Variants in RYR2 observed in about 807,000 individuals in gnomAD.
RYR2 encodes the protein cardiac muscle ryanodine receptor-calcium release channel.
A neutral mutation model predicts 601.1 loss-of-function variants in RYR2; 227 were observed. The ratio of observed to expected loss-of-function variants is 0.38; its 90% CI spans 0.34 to 0.42. The LOEUF is 0.42. RYR2 is among the 10% of genes least tolerant of loss of function. The probability of loss-of-function intolerance (pLI) is 1.00; values close to 1 mark genes in which losing one functional copy is unlikely to be tolerated. For missense variants in RYR2, 4,646 were observed against 6,156.5 expected (o/e 0.75, Z 8.21); for synonymous variants, 2,223 against 2,175.1 (o/e 1.02, Z -0.61).
intron 1 of RYR2, among the ~76,000 whole-genome samples, chr1:237,216,907 A>G (rs932822709): frequency 5.9e-5 from 9 of 152,226 alleles, no homozygotes; most frequent in African/African-American, 2.2e-4. Context: ...TGCTTTGTGC[A>G]TAGTGGCTAT....
chr1:237,217,615 G>C (rs1425618497), intron 1 of RYR2, among the ~76,000 whole-genome samples: 3 of 152,272 alleles, frequency 2.0e-5, no homozygotes, highest in East Asian at 3.9e-4. Flanking sequence ...CTGGTACATG[G>C]TAAGAACTCA....
chr1:237,459,428 T>A (rs1351201), intron 16 of RYR2, among the ~76,000 whole-genome samples: 73,588 of 151,936 alleles, frequency 0.48, 18,922 homozygotes, highest in East Asian at 0.65. Context: ...AAAGAAGAAT[T>A]TCATGTATGA....
chr1:237,445,350 G>T (rs1404577054), intron 13 of RYR2, 51 bp from the exon 14 acceptor site: 1 of 1,607,918 alleles, frequency 6.2e-7, no homozygotes, highest in Non-Finnish European at 8.5e-7. Flanking sequence ...CCTAACTCTA[G>T]TTTGGAAAAG....
At chr1:237,700,870 G>T (rs775210337) in intron 65 of RYR2, among the ~76,000 whole-genome samples, 1 of 152,202 alleles carries the variant, frequency 6.6e-6, no homozygotes. Flanking sequence ...ATGTAATAAT[G>T]TGAAGACGAC....
At chr1:237,390,647 G>C (rs887212604) in intron 10 of RYR2, among the ~76,000 whole-genome samples, 5 of 152,172 alleles carry the variant, frequency 3.3e-5, no homozygotes, top group African/African-American at 1.2e-4. Flanking sequence ...AGAGAGGCCA[G>C]ACTGGATCCA....
rs991593805 is a variant in RYR2, at chr1:237,106,497, G to A, written c.48+63928G>A. Among the ~76,000 whole-genome samples, 4 of 152,206 alleles carry A rather than the reference G, an allele frequency of 2.6e-5. No individual in the cohort carries two copies. The highest frequency in any genetic ancestry group is 9.7e-5 in the African/African-American group (4 of 41,448). ...GATGTTTCACCAGCTAAGATGGAGC[G>A]GTCCTGGAAAGAGTGAAGATCAAGA... is the stretch of plus-strand genomic sequence containing the variant. On this transcript the variant is annotated intron_variant, in intron 1 of 104. Coordinates refer to ENST00000366574, the MANE Select transcript of RYR2 (RefSeq NM_001035.3). The surrounding 1 kb of genome is among the most constrained non-coding windows in gnomAD (Gnocchi z 4.4).
At chr1:237,736,391 G>A (rs1240133848) in intron 79 of RYR2, among the ~76,000 whole-genome samples, 2 of 151,470 alleles carry the variant, frequency 1.3e-5, no homozygotes, top group Non-Finnish European at 2.9e-5. Context: ...AATCTGGGAG[G>A]CGGAAAGTTG....
At chr1:237,298,800 G>C (rs1693064844) in intron 2 of RYR2, among the ~76,000 whole-genome samples, 1 of 152,078 alleles carries the variant, frequency 6.6e-6, no homozygotes, top group South Asian at 2.1e-4. Flanking sequence ...GGGAGTTTGA[G>C]ACCAATCTGG....
At chr1:237,084,288 G>A (rs1333547917) in intron 1 of RYR2, among the ~76,000 whole-genome samples, 1 of 152,114 alleles carries the variant, frequency 6.6e-6, no homozygotes, top group Non-Finnish European at 1.5e-5. Context: ...TTTCATCCAT[G>A]CATCTTTCAT....
In RYR2 at chr1:237,633,615, G is replaced by A. The variant is rs375935636; in HGVS notation, c.6593G>A (p.Arg2198His). 1 of 1,613,878 alleles carries A rather than the reference G, an allele frequency of 6.2e-7. No homozygotes were observed. Among genetic ancestry groups the A allele is most frequent in the Non-Finnish European group, 8.5e-7 (1 of 1,179,846 alleles). ...CCCAAGATGGTGGCCAACTGTTGCC[G>A]TTTTCTCTGTTACTTCTGTCGTATA... is the stretch of plus-strand genomic sequence containing the variant. ...TFPKMVANCC[R>H]FLCYFCRISR... Residue 2198 changes from arginine (R) to histidine (H), a missense_variant, in exon 43 of 105, where the codon CGT becomes CAT. Around this residue, in one of 17 missense-constraint regions of RYR2, gnomAD observed 137 missense variants for 273.6 expected, o/e 0.50. Coordinates refer to ENST00000366574, the MANE Select transcript of RYR2 (RefSeq NM_001035.3).
At chr1:237,752,979 TACAA>T (rs1334009054) in intron 80 of RYR2, among the ~76,000 whole-genome samples, 3 of 152,264 alleles carry the variant, frequency 2.0e-5, no homozygotes, top group South Asian at 2.1e-4. Flanking sequence ...GTCATGGAAA[TACAA>T]ACAAACAAAC....
chr1:237,355,307 A>C (rs919443952), intron 3 of RYR2, among the ~76,000 whole-genome samples: 3 of 152,134 alleles, frequency 2.0e-5, no homozygotes, highest in Admixed American at 6.6e-5. Flanking sequence ...TTGTAGAGAC[A>C]GTCTTTGTTG....
chr1:237,680,256 G>A lies in RYR2; in HGVS notation c.8896-200G>A, dbSNP rs567337192. Among the ~76,000 whole-genome samples, 3 of 152,214 alleles carry A rather than the reference G, an allele frequency of 2.0e-5. No individual in the cohort carries two copies. The East Asian group carries it at 5.8e-4, about 29-fold the overall frequency. On this transcript the variant is annotated intron_variant, in intron 61 of 104. Transcript: ENST00000366574. The stretch of plus-strand genomic sequence containing the variant: ...TTCCAAACTGTTGCAAGTTTGCTCT[G>A]TTCACCATAATCACATCCTGCCACT...
intron 2 of RYR2, among the ~76,000 whole-genome samples, chr1:237,279,962 C>G (rs1249343890): frequency 6.6e-6 from 1 of 152,124 alleles, no homozygotes; most frequent in African/African-American, 2.4e-5. Context: ...TGATTTTTAT[C>G]AGGTTTCCAA....
At chr1:237,576,433 C>A (rs1162364276) in intron 29 of RYR2, among the ~76,000 whole-genome samples, 2 of 151,876 alleles carry the variant, frequency 1.3e-5, no homozygotes, top group African/African-American at 4.8e-5. Flanking sequence ...AGTAGAGATG[C>A]CAGAAACATA....
intron 1 of RYR2, among the ~76,000 whole-genome samples, chr1:237,133,531 T>G (rs1390802401): frequency 6.6e-6 from 1 of 152,150 alleles, no homozygotes; most frequent in Non-Finnish European, 1.5e-5. Context: ...TGGAATGTCT[T>G]TATTGTAATT....
intron 1 of RYR2, among the ~76,000 whole-genome samples, chr1:237,178,276 A>C (rs968830771): frequency 1.3e-5 from 2 of 152,004 alleles, no homozygotes; most frequent in Middle Eastern, 3.2e-3. Context: ...TACTTCCTCT[A>C]ATTTTTGGCT....
At chr1:237,198,612 C>G (rs1026851766) in intron 1 of RYR2, among the ~76,000 whole-genome samples, 33 of 151,894 alleles carry the variant, frequency 2.2e-4, no homozygotes, top group Non-Finnish European at 3.7e-4. Context: ...AGATTTTCAG[C>G]CTGGGGAATT....
chr1:237,456,298 C>G (rs766104342), intron 15 of RYR2, among the ~76,000 whole-genome samples: 1 of 152,136 alleles, frequency 6.6e-6, no homozygotes, highest in African/African-American at 2.4e-5. Flanking sequence ...AGGATCTGCT[C>G]TTATGGTCAC....
Sources: allele counts gnomAD v4.1 joint callset (sites outside exome capture counted in the v4.1 genomes callset), GRCh38; gene constraint gnomAD v4.1.1; regional missense constraint gnomAD v4.1.1; non-coding constraint Gnocchi (gnomAD v3.1); transcripts MANE v1.5; gene names NCBI Gene and HGNC (gene_info 2026-07-23, HGNC 2026-07-21).